The following CPA6 variants were observed in gnomAD, a reference collection of about 807,000 sequenced individuals.
CPA6 encodes the protein carboxypeptidase B.
In CPA6, 58 loss-of-function variants were observed where a neutral mutation model predicts 63.3. The ratio of observed to expected loss-of-function variants is 0.92; its 90% CI spans 0.74 to 1.14. The LOEUF is 1.14. Among genes scored for constraint, CPA6 ranks in the 50% most tolerant of loss-of-function variants. The pLI, the probability that CPA6 is intolerant of heterozygous loss-of-function variation, is 0.00. For synonymous variants in CPA6, 185 were observed against 179.0 expected (o/e 1.03, Z -0.27); for missense variants, 565 against 526.6 (o/e 1.07, Z -0.71).
intron 8 of CPA6, among the ~76,000 whole-genome samples, chr8:67,446,263 T>TAA (rs765715315): frequency 1.5e-5 from 2 of 133,100 alleles, no homozygotes. Context: ...AGACTCCATC[T>TAA]AAAAAAAAAA....
intron 2 of CPA6, among the ~76,000 whole-genome samples, chr8:67,519,891 C>T (rs937988584): frequency 2.6e-5 from 4 of 152,132 alleles, no homozygotes; most frequent in Admixed American, 6.5e-5. Context: ...TTTTCTTAAT[C>T]CCTTCTATTG....
intron 6 of CPA6, among the ~76,000 whole-genome samples, chr8:67,496,531 A>ATGTATATATATATATATG (rs1563976136): frequency 2.2e-5 from 3 of 134,358 alleles, no homozygotes; most frequent in African/African-American, 9.0e-5. Flanking sequence ...ATATATATAT[A>ATGTATATATATATATATG]TATATATATA....
Position 67,461,175 on chromosome 8 carries a change from G to C in CPA6, c.838+22593C>G, listed in dbSNP as rs1468915084. 4.1e-5 allele frequency among the ~76,000 whole-genome samples: 6 copies of C among 145,274 alleles called. No individual in the cohort carries two copies. The East Asian group carries it at 9.9e-4, about 24-fold the overall frequency. On this transcript the variant is annotated intron_variant, in intron 8 of 10. Coordinates refer to ENST00000297770, the MANE Select transcript of CPA6 (RefSeq NM_020361.5). ...GTCGGCAGATAAACAAGTGAACAAA[G>C]GTCTCTGGTTTTCCTAGGCAGAGGA... is the stretch of plus-strand genomic sequence containing the variant.
At chr8:67,625,507 A>T (rs1815175817) in intron 1 of CPA6, among the ~76,000 whole-genome samples, 1 of 152,190 alleles carries the variant, frequency 6.6e-6, no homozygotes, top group Non-Finnish European at 1.5e-5. Context: ...TGATGAGGAC[A>T]GGTTGGGAAG....
At chr8:67,683,625 A>G (rs1370776149) in intron 1 of CPA6, among the ~76,000 whole-genome samples, 2 of 152,080 alleles carry the variant, frequency 1.3e-5, no homozygotes, top group African/African-American at 4.8e-5. Flanking sequence ...TTATTTGTCT[A>G]TTGCAGTCTC....
intron 8 of CPA6, among the ~76,000 whole-genome samples, chr8:67,460,073 T>A (rs1810766791): frequency 1.3e-5 from 2 of 152,188 alleles, no homozygotes; most frequent in African/African-American, 4.8e-5. Context: ...AATTTCTCCT[T>A]CCTCTGGGAG....
chr8:67,538,069 T>C (rs190771563), intron 2 of CPA6, among the ~76,000 whole-genome samples: 202 of 152,338 alleles, frequency 1.3e-3, no homozygotes, highest in African/African-American at 4.5e-3. Flanking sequence ...ATGATTTCTG[T>C]TCTTTTGCAT....
At chr8:67,624,848 A>C (rs1243262682) in intron 1 of CPA6, among the ~76,000 whole-genome samples, 1 of 152,080 alleles carries the variant, frequency 6.6e-6, no homozygotes, top group Non-Finnish European at 1.5e-5. Context: ...TAGTGATACA[A>C]ATTAAAAATC....
Position 67,506,891 on chromosome 8 carries a change from G to A in CPA6, c.535-3C>T. 1 of 1,607,308 alleles carries A rather than the reference G, an allele frequency of 6.2e-7. No homozygotes were observed. Among genetic ancestry groups the A allele is most frequent in the Non-Finnish European group, 8.5e-7 (1 of 1,174,006 alleles). On this transcript the variant is annotated splice_region_variant and splice_polypyrimidine_tract_variant and intron_variant, in intron 5 of 10. Transcript: ENST00000297770. ...TTGAGTCGTGATCGTCTGCCCAGCT[G>A]AAAACAAGAGCATTCACAGTAACCA...
At position 67,480,074 on chromosome 8, in the gene CPA6, C is replaced by T. The variant is rs149414514; in HGVS notation, c.838+3694G>A. Among the ~76,000 whole-genome samples, 88 of 152,014 alleles carry T rather than the reference C, an allele frequency of 5.8e-4. 1 individual carries two copies. The highest frequency in any genetic ancestry group is 6.8e-3 in the Middle Eastern group (2 of 294). On this transcript the variant is annotated intron_variant, in intron 8 of 10. Transcript: ENST00000297770. ...GCTAAAAAAATCGTATAGTTTTCTC[C>T]GTGTTATATCTAATTTATAATATTA...
intron 1 of CPA6, among the ~76,000 whole-genome samples, chr8:67,673,380 AT>A (rs1277364494): frequency 0.042 from 5,381 of 127,836 alleles, 118 homozygotes; most frequent in Non-Finnish European, 0.046. Flanking sequence ...TATTATTATT[AT>A]TTATTTATTT....
chr8:67,481,497 G>T (rs1240805328), intron 8 of CPA6, among the ~76,000 whole-genome samples: 4 of 152,200 alleles, frequency 2.6e-5, no homozygotes, highest in Non-Finnish European at 5.9e-5. Flanking sequence ...TATTCCACAT[G>T]CACGCACTAA....
At chr8:67,698,546 A>G (rs1268062798) in intron 1 of CPA6, among the ~76,000 whole-genome samples, 1 of 152,182 alleles carries the variant, frequency 6.6e-6, no homozygotes, top group African/African-American at 2.4e-5. Flanking sequence ...AGAAATACTC[A>G]GTCTGTAATT....
At chr8:67,570,166 T>G (rs1240742403) in intron 2 of CPA6, 1 of 152,250 alleles carries the variant, frequency 6.6e-6, no homozygotes, top group South Asian at 2.1e-4. Context: ...TTTCTATCAT[T>G]AATAAAGTTA....
chr8:67,441,277 C>T (rs1810289545), intron 8 of CPA6, among the ~76,000 whole-genome samples: 1 of 152,092 alleles, frequency 6.6e-6, no homozygotes, highest in Non-Finnish European at 1.5e-5. Flanking sequence ...AAGAATTAAG[C>T]TATTAAAGAA....
At chr8:67,549,985 T>A (rs1812904929) in intron 2 of CPA6, among the ~76,000 whole-genome samples, 1 of 152,242 alleles carries the variant, frequency 6.6e-6, no homozygotes, top group Non-Finnish European at 1.5e-5. Flanking sequence ...TGATTTCAAT[T>A]CTATTGGGTA....
At chr8:67,570,161 A>G (rs530228067) in intron 2 of CPA6, 1 of 152,332 alleles carries the variant, frequency 6.6e-6, no homozygotes, top group South Asian at 2.1e-4. Flanking sequence ...TACTCTTTCT[A>G]TCATTAATAA....
chr8:67,737,513 C>A (rs1368279367), intron 1 of CPA6, among the ~76,000 whole-genome samples: 2 of 152,120 alleles, frequency 1.3e-5, no homozygotes, highest in Admixed American at 1.3e-4. Context: ...ATTCTTCAGT[C>A]TGGGTTAGGT....
chr8:67,522,549 T>C (rs1812280954), intron 2 of CPA6, among the ~76,000 whole-genome samples: 1 of 152,214 alleles, frequency 6.6e-6, no homozygotes, highest in Non-Finnish European at 1.5e-5. Context: ...GCTGCCATTC[T>C]CTGAGCTGCG....
Sources: gnomAD v4.1 joint callset for allele counts (sites outside exome capture counted in the v4.1 genomes callset) on GRCh38, gnomAD v4.1.1 for gene constraint, MANE v1.5 for transcripts, NCBI Gene and HGNC (gene_info 2026-07-23, HGNC 2026-07-21) for gene names.